The following UNC5D variants were observed in gnomAD, a reference collection of about 807,000 sequenced individuals.
The protein encoded by UNC5D is netrin receptor UNC5D.
UNC5D carries 39 observed loss-of-function variants against 105.4 expected under a neutral mutation model. That is an observed-to-expected ratio of 0.37 (90% CI 0.29 to 0.48). The LOEUF (loss-of-function observed/expected upper bound fraction) is 0.48. UNC5D is among the 20% of genes least tolerant of loss of function. The pLI, the probability that UNC5D is intolerant of heterozygous loss-of-function variation, is 0.98. For missense variants in UNC5D, 991 were observed against 1,202.4 expected (o/e 0.82, Z 2.60); for synonymous variants, 452 against 450.4 (o/e 1.00, Z -0.04).
Position 35,398,014 on chromosome 8 carries a change from T to C in UNC5D, c.104-151278T>C, listed in dbSNP as rs190094011. 6.8e-4 allele frequency among the ~76,000 whole-genome samples: 103 copies of C among 152,326 alleles called. 1 individual carries two copies. Among genetic ancestry groups the C allele is most frequent in the Non-Finnish European group, 1.4e-3 (92 of 68,018 alleles). ...CTGGTCTTCTGTCATTTCTCCAAAT[T>C]CACCAGGCTCTCTGAACCTTCAGGG... On this transcript the variant is annotated intron_variant, in intron 1 of 16. Transcript: ENST00000404895.
At chr8:35,265,947 GA>G (rs1417343703) in intron 1 of UNC5D, among the ~76,000 whole-genome samples, 5 of 151,560 alleles carry the variant, frequency 3.3e-5, no homozygotes, top group Middle Eastern at 3.2e-3. Flanking sequence ...AAATGTTAGG[GA>G]GAGAGGGTAG....
At chr8:35,413,850 AG>A (rs1219923276) in intron 1 of UNC5D, among the ~76,000 whole-genome samples, 4 of 152,134 alleles carry the variant, frequency 2.6e-5, no homozygotes, top group African/African-American at 9.7e-5. Flanking sequence ...TTTTTCTAGT[AG>A]GATAAGTCTT....
At chr8:35,635,978 T>A (rs1288626648) in intron 4 of UNC5D, among the ~76,000 whole-genome samples, 1 of 152,080 alleles carries the variant, frequency 6.6e-6, no homozygotes, top group Non-Finnish European at 1.5e-5. Context: ...AGGAAACTAT[T>A]GAGGAAGAAG....
intron 16 of UNC5D, among the ~76,000 whole-genome samples, chr8:35,781,459 A>G: frequency 6.6e-6 from 1 of 152,138 alleles, no homozygotes; most frequent in Admixed American, 6.5e-5. Context: ...TAGGTTTTGA[A>G]GGAATAGATT....
intron 11 of UNC5D, among the ~76,000 whole-genome samples, chr8:35,747,163 A>C (rs1428067740): frequency 6.6e-6 from 1 of 152,322 alleles, no homozygotes; most frequent in African/African-American, 2.4e-5. Context: ...AGGGGAGGAG[A>C]CAACATGATA....
At chr8:35,355,036 A>G (rs1801472134) in intron 1 of UNC5D, among the ~76,000 whole-genome samples, 1 of 152,162 alleles carries the variant, frequency 6.6e-6, no homozygotes, top group Non-Finnish European at 1.5e-5. Context: ...GAGAACTGCC[A>G]GTCTCTTTAG....
At chr8:35,596,028 A>C (rs925971126) in intron 4 of UNC5D, among the ~76,000 whole-genome samples, 2 of 152,198 alleles carry the variant, frequency 1.3e-5, no homozygotes, top group Non-Finnish European at 2.9e-5. Flanking sequence ...ACACATGAAA[A>C]AGCCCATAGG....
intron 1 of UNC5D, among the ~76,000 whole-genome samples, chr8:35,470,008 A>G (rs753587530): frequency 9.2e-5 from 14 of 152,218 alleles, no homozygotes; most frequent in Non-Finnish European, 2.1e-4. Context: ...TGTTGTAAAC[A>G]TAGTGCTGGA....
At chr8:35,765,539 CTCT>C (rs1801727175) in intron 14 of UNC5D, among the ~76,000 whole-genome samples, 1 of 152,198 alleles carries the variant, frequency 6.6e-6, no homozygotes, top group South Asian at 2.1e-4. Context: ...TGGCTTTCCT[CTCT>C]TCAAGTTCAC....
chr8:35,614,565 A>T (rs1015815199), intron 4 of UNC5D, among the ~76,000 whole-genome samples: 6 of 147,186 alleles, frequency 4.1e-5, no homozygotes, highest in Non-Finnish European at 6.0e-5. Flanking sequence ...AATACACTCT[A>T]AAAAAAAAAG....
At chr8:35,788,373 C>T (rs1031432780) in intron 16 of UNC5D, among the ~76,000 whole-genome samples, 2 of 152,120 alleles carry the variant, frequency 1.3e-5, no homozygotes, top group African/African-American at 4.8e-5. Context: ...TCTGGAAAAT[C>T]TTTTCAACTC....
chr8:35,433,531 A>G (rs1476081672), intron 1 of UNC5D, among the ~76,000 whole-genome samples: 2 of 152,208 alleles, frequency 1.3e-5, no homozygotes, highest in Non-Finnish European at 2.9e-5. Context: ...TACTCAATTC[A>G]GTTATGAAAA....
chr8:35,387,179 T>G (rs540553526), intron 1 of UNC5D, among the ~76,000 whole-genome samples: 1 of 151,914 alleles, frequency 6.6e-6, no homozygotes, highest in East Asian at 2.0e-4. Context: ...GCTAACATGG[T>G]GAAACCCTGT....
chr8:35,546,584 G>A (rs1815699645), intron 1 of UNC5D, among the ~76,000 whole-genome samples: 1 of 152,176 alleles, frequency 6.6e-6, no homozygotes, highest in Admixed American at 6.5e-5. Flanking sequence ...ATTGAACAAT[G>A]AATTAGACAG....
At chr8:35,447,526 A>G (rs1189617224) in intron 1 of UNC5D, among the ~76,000 whole-genome samples, 1 of 152,012 alleles carries the variant, frequency 6.6e-6, no homozygotes, top group Non-Finnish European at 1.5e-5. Context: ...ATTCATTCAA[A>G]TTTTCTAAGC....
chr8:35,612,529 T>C (rs1201187080), intron 4 of UNC5D, among the ~76,000 whole-genome samples: 3 of 152,098 alleles, frequency 2.0e-5, no homozygotes, highest in African/African-American at 7.2e-5. Flanking sequence ...CACTACTTCT[T>C]CAAATGGCTA....
At chr8:35,286,360 G>T (rs1806597892) in intron 1 of UNC5D, among the ~76,000 whole-genome samples, 1 of 152,174 alleles carries the variant, frequency 6.6e-6, no homozygotes, top group Admixed American at 6.5e-5. Context: ...CTAGCCAACA[G>T]TGTCATACTG....
chr8:35,615,260 C>T (rs1028205895), intron 4 of UNC5D, among the ~76,000 whole-genome samples: 1 of 152,070 alleles, frequency 6.6e-6, no homozygotes, highest in African/African-American at 2.4e-5. Context: ...CTTGTCTTTG[C>T]TTCCTCTTTT....
chr8:35,789,889 GAAGAA>G lies in UNC5D; in HGVS notation c.2658-467_2658-463del, dbSNP rs1433357092. Among the ~76,000 whole-genome samples, 203 of 133,522 alleles carry G rather than the reference GAAGAA, an allele frequency of 1.5e-3. 1 individual carries two copies. Among genetic ancestry groups the G allele is most frequent in the African/African-American group, 6.8e-3 (199 of 29,266 alleles). The allele number at this position is 133,522 out of a possible 152,430, so 87.6% of individuals were successfully genotyped here. ...TAGAGCATGTCAAGGGGATAGTCAA[GAAGAA>G]AACACACACACACACACACACACAC... is the stretch of plus-strand genomic sequence containing the variant. On this transcript the variant is annotated intron_variant, in intron 16 of 16. Transcript: ENST00000404895.
Sources: gnomAD v4.1 joint callset for allele counts (sites outside exome capture counted in the v4.1 genomes callset) on GRCh38, gnomAD v4.1.1 for gene constraint, MANE v1.5 for transcripts, NCBI Gene and HGNC (gene_info 2026-07-23, HGNC 2026-07-21) for gene names.